The following WWOX variants were observed in gnomAD, a reference collection of about 807,000 sequenced individuals.
The protein encoded by WWOX is WW domain-containing oxidoreductase.
A neutral mutation model predicts 46.2 loss-of-function variants in WWOX; 69 were observed. The observed-to-expected ratio is 1.49, with a 90% confidence interval of 1.23 to 1.82. The LOEUF (loss-of-function observed/expected upper bound fraction) is 1.82, where lower values mean the gene tolerates loss of function less well. Ranked by LOEUF, WWOX falls within the 40% of genes most tolerant of loss-of-function variation. The pLI is 0.00. For synonymous variants in WWOX, 359 were observed against 202.6 expected, an observed-to-expected ratio of 1.77 and a Z score of -6.56; for missense variants, 919 against 542.6, an observed-to-expected ratio of 1.69 and a Z score of -6.89.
At chr16:78,484,354 AT>A (rs1479402854) in intron 8 of WWOX, among the ~76,000 whole-genome samples, 1 of 152,090 alleles carries the variant, frequency 6.6e-6, no homozygotes, top group East Asian at 1.9e-4. Flanking sequence ...AAGTATACCT[AT>A]TCCCCAGAGT....
intron 5 of WWOX, among the ~76,000 whole-genome samples, chr16:78,384,055 G>C (rs548372013): frequency 7.4e-4 from 112 of 152,164 alleles, no homozygotes; most frequent in African/African-American, 2.7e-3. Flanking sequence ...TATCATTTTT[G>C]TTGAAATACT....
intron 8 of WWOX, among the ~76,000 whole-genome samples, chr16:79,037,347 A>G (rs2047888023): frequency 6.6e-6 from 1 of 152,192 alleles, no homozygotes; most frequent in African/African-American, 2.4e-5. Context: ...GTCTTTTTGT[A>G]GAGAGGAAGA....
intron 6 of WWOX, 25 bp downstream of exon 6, chr16:78,386,973 A>G (rs1239535077): frequency 1.2e-6 from 2 of 1,601,116 alleles, no homozygotes; most frequent in Non-Finnish European, 1.7e-6. Flanking sequence ...GGAGGGTTAT[A>G]GATCATAATT....
chr16:78,828,810 G>C (rs553391179), intron 8 of WWOX, among the ~76,000 whole-genome samples: 1 of 152,132 alleles, frequency 6.6e-6, no homozygotes, highest in Admixed American at 6.5e-5. Context: ...AGCTGGATTG[G>C]AAACTATGTA....
chr16:78,929,147 A>G (rs1027116426), intron 8 of WWOX, among the ~76,000 whole-genome samples: 1 of 152,216 alleles, frequency 6.6e-6, no homozygotes, highest in Admixed American at 6.5e-5. Context: ...TTTAAGAATA[A>G]GAACACGGTT....
chr16:79,167,113 T>C (rs1482085410), intron 8 of WWOX, among the ~76,000 whole-genome samples: 1 of 152,070 alleles, frequency 6.6e-6, no homozygotes, highest in Non-Finnish European at 1.5e-5. Flanking sequence ...GCTAATTTTT[T>C]TGTATTTTAT....
At chr16:78,620,465 G>A (rs867008646) in intron 8 of WWOX, among the ~76,000 whole-genome samples, 2 of 152,170 alleles carry the variant, frequency 1.3e-5, no homozygotes, top group Non-Finnish European at 2.9e-5. Context: ...GTCCCTGGAT[G>A]GGAGAAGATA....
At chr16:78,561,003 C>G (rs886969241) in intron 8 of WWOX, among the ~76,000 whole-genome samples, 2 of 151,986 alleles carry the variant, frequency 1.3e-5, no homozygotes, top group Non-Finnish European at 2.9e-5. Flanking sequence ...CTCTTGGGGA[C>G]AAAATAAAGG....
chr16:79,054,802 G>A (rs1016957555), intron 8 of WWOX, among the ~76,000 whole-genome samples: 2 of 152,278 alleles, frequency 1.3e-5, no homozygotes, highest in Middle Eastern at 6.8e-3. Context: ...CTCCAGCCTG[G>A]ATGAAAGAGT....
chr16:79,135,954 A>C (rs1214658360), intron 8 of WWOX, among the ~76,000 whole-genome samples: 2 of 151,994 alleles, frequency 1.3e-5, no homozygotes, highest in Non-Finnish European at 2.9e-5. Context: ...GGAAACCATC[A>C]CCACCTTCGA....
chr16:78,236,495 G>A (rs1180124722), intron 5 of WWOX, among the ~76,000 whole-genome samples: 2 of 152,106 alleles, frequency 1.3e-5, no homozygotes, highest in Admixed American at 6.5e-5. Context: ...CACCTTTCAC[G>A]TGGCCATTTT....
chr16:78,944,644 C>T (rs2045915349), intron 8 of WWOX, among the ~76,000 whole-genome samples: 1 of 152,134 alleles, frequency 6.6e-6, no homozygotes, highest in Admixed American at 6.5e-5. Flanking sequence ...GCGGGTCACC[C>T]ATCCAATTGC....
intron 4 of WWOX, among the ~76,000 whole-genome samples, chr16:78,144,469 A>ATATATATATATATATATATATATG: frequency 7.1e-5 from 1 of 14,100 alleles, no homozygotes; most frequent in African/African-American, 2.9e-4. Flanking sequence ...ATATACACAC[A>ATATATATATATATATATATATATG]TATATATATA....
intron 5 of WWOX, among the ~76,000 whole-genome samples, chr16:78,191,996 G>A (rs139143821): frequency 8.6e-5 from 13 of 151,924 alleles, no homozygotes; most frequent in East Asian, 1.9e-4. Flanking sequence ...ACAAAGATGC[G>A]GTTATCCATT....
At chr16:78,507,181 A>G (rs1476818136) in intron 8 of WWOX, among the ~76,000 whole-genome samples, 1 of 152,218 alleles carries the variant, frequency 6.6e-6, no homozygotes, top group African/African-American at 2.4e-5. Flanking sequence ...TATTGAGGAG[A>G]CAGAACATGA....
intron 8 of WWOX, among the ~76,000 whole-genome samples, chr16:78,473,096 G>GT (rs1487673710): frequency 1.3e-5 from 2 of 152,196 alleles, no homozygotes; most frequent in Non-Finnish European, 2.9e-5. Context: ...CTTAAGTAAA[G>GT]TTTTATAGGA....
chr16:78,768,988 T>G (rs1290342989), intron 8 of WWOX, among the ~76,000 whole-genome samples: 2 of 152,230 alleles, frequency 1.3e-5, no homozygotes. Flanking sequence ...AAGGTGTGGT[T>G]CAAAGATGCT....
intron 4 of WWOX, among the ~76,000 whole-genome samples, chr16:78,148,780 C>A (rs1164934024): frequency 1.3e-5 from 2 of 151,528 alleles, no homozygotes; most frequent in African/African-American, 2.4e-5. Flanking sequence ...CGCCTGTAGT[C>A]CCAGCTACTC....
chr16:78,137,873 G>A (rs1250710905), intron 4 of WWOX, among the ~76,000 whole-genome samples: 1 of 151,032 alleles, frequency 6.6e-6, no homozygotes, highest in Non-Finnish European at 1.5e-5. Context: ...ATTGATATAT[G>A]AAAGCAGGTC....
Sources: gnomAD v4.1 joint callset for allele counts (sites outside exome capture counted in the v4.1 genomes callset) on GRCh38, gnomAD v4.1.1 for gene constraint, MANE v1.5 for transcripts, NCBI Gene and HGNC (gene_info 2026-07-23, HGNC 2026-07-21) for gene names.